The following ATF7IP variants were observed in gnomAD, a reference collection of about 807,000 sequenced individuals.
The protein encoded by ATF7IP is activating transcription factor 7 interacting protein.
In ATF7IP, 23 loss-of-function variants were observed where a neutral mutation model predicts 106.4. The observed-to-expected ratio is 0.22, with a 90% CI of 0.16 to 0.31. The LOEUF is 0.31. Ranked by LOEUF, ATF7IP falls within the 10% of genes least tolerant of loss-of-function variation. ATF7IP has a pLI of 1.00. For missense variants in ATF7IP, 1,334 were observed against 1,524.3 expected (o/e 0.88, Z 2.08); for synonymous variants, 542 against 539.0 (o/e 1.01, Z -0.08).
intron 2 of ATF7IP, among the ~76,000 whole-genome samples, chr12:14,427,417 C>T (rs188289788): frequency 5.6e-4 from 85 of 151,596 alleles, no homozygotes; most frequent in Non-Finnish European, 1.1e-3. Flanking sequence ...GGCTGGAGTG[C>T]AGTGGCACGA....
At chr12:14,415,478 G>A (rs1204540138) in intron 1 of ATF7IP, among the ~76,000 whole-genome samples, 1 of 152,134 alleles carries the variant, frequency 6.6e-6, no homozygotes, top group Non-Finnish European at 1.5e-5. Context: ...GGAATTGTTG[G>A]TAACCTTGTC....
chr12:14,457,359 C>T, intron 8 of ATF7IP, 64 bp downstream of exon 8: 1 of 1,199,694 alleles, frequency 8.3e-7, no homozygotes, highest in Non-Finnish European at 1.2e-6. Context: ...GTTCTCTTTT[C>T]TTACATTCTT....
intron 1 of ATF7IP, among the ~76,000 whole-genome samples, chr12:14,393,248 G>A (rs1017571644): frequency 6.6e-6 from 1 of 152,128 alleles, no homozygotes; most frequent in Non-Finnish European, 1.5e-5. Flanking sequence ...TATATAATAA[G>A]TGATTTCTTT....
rs1439730360 is a variant in ATF7IP, at chr12:14,481,451, CAT to C, written c.3280+269_3280+270del. ...AAAAAGGTAAGTATGTGAGATCATG[CAT>C]ATGTCAGCTAGATTTAGCCATTCTG... On this transcript the variant is annotated intron_variant, in intron 13 of 14. Transcript: ENST00000261168. The C allele has an allele frequency of 3.8e-3, 1,427 of 375,296 alleles. 8 individuals are homozygous for C. The highest frequency in any genetic ancestry group is 7.0e-3 in the Admixed American group (106 of 15,210). 23.2% of individuals were successfully genotyped at this position (375,296 alleles called of 1,614,324 possible).
At chr12:14,398,875 A>G (rs182494624) in intron 1 of ATF7IP, among the ~76,000 whole-genome samples, 82 of 151,716 alleles carry the variant, frequency 5.4e-4, no homozygotes, top group African/African-American at 1.5e-3. Context: ...TTCTGTTTCA[A>G]CCTTTCTATG....
intron 1 of ATF7IP, among the ~76,000 whole-genome samples, chr12:14,389,008 G>A (rs1333806756): frequency 6.6e-6 from 1 of 152,122 alleles, no homozygotes; most frequent in Non-Finnish European, 1.5e-5. Context: ...TATTTGGTAA[G>A]CATATGCTCA....
chr12:14,464,915 T>C (rs1223053750), intron 9 of ATF7IP, among the ~76,000 whole-genome samples: 1 of 152,164 alleles, frequency 6.6e-6, no homozygotes, highest in Non-Finnish European at 1.5e-5. Context: ...GAAAATGTTA[T>C]GACAAAAAAT....
chr12:14,424,433 A>T lies in ATF7IP; in HGVS notation c.518A>T (p.Asp173Val). ...EPSSSDAASG[D>V]ATSGDAPSGD... ...TCCTCTAGTGATGCTGCCTCTGGTGATGCAACCTCTGGTGATGCCCCTTCT... is the reference window on the plus strand; with the variant it reads ...TCCTCTAGTGATGCTGCCTCTGGTGTTGCAACCTCTGGTGATGCCCCTTCT... Residue 173 changes from aspartate to valine, a missense_variant, in exon 2 of 15, where the codon GAT becomes GTT. Around this residue, in one of 10 missense-constraint regions of ATF7IP, gnomAD observed 438 missense variants for 405.3 expected, o/e 1.08. Coordinates refer to ENST00000261168, the MANE Select transcript of ATF7IP (RefSeq NM_018179.5). The T allele has an allele frequency of 6.2e-7, 1 of 1,613,556 alleles. No individual in the cohort carries two copies. Among genetic ancestry groups the T allele is most frequent in the Non-Finnish European group, 8.5e-7 (1 of 1,179,796 alleles).
chr12:14,486,948 C>T (rs959122470), intron 13 of ATF7IP, among the ~76,000 whole-genome samples: 2 of 152,162 alleles, frequency 1.3e-5, no homozygotes, highest in African/African-American at 4.8e-5. Flanking sequence ...CTTCTGGACC[C>T]TCCCAGCTGG....
intron 5 of ATF7IP, among the ~76,000 whole-genome samples, chr12:14,446,251 G>A (rs1379123639): frequency 1.4e-4 from 21 of 151,958 alleles, no homozygotes; most frequent in African/African-American, 2.4e-4. Context: ...GGGTTCAAGC[G>A]ATACTCCTGC....
intron 13 of ATF7IP, among the ~76,000 whole-genome samples, chr12:14,488,780 A>T (rs1473221831): frequency 6.6e-6 from 1 of 152,218 alleles, no homozygotes; most frequent in Non-Finnish European, 1.5e-5. Flanking sequence ...CCAGAAGCGC[A>T]CCAATCCCCA....
chr12:14,439,840 AATCC>A (rs34509750), intron 5 of ATF7IP, among the ~76,000 whole-genome samples: 54,634 of 148,380 alleles, frequency 0.37, 11,120 homozygotes, highest in South Asian at 0.5. Flanking sequence ...CTCCAAAATA[AATCC>A]ATCCATCCAT....
At chr12:14,485,289 A>G (rs1485819487) in intron 13 of ATF7IP, among the ~76,000 whole-genome samples, 1 of 151,824 alleles carries the variant, frequency 6.6e-6, no homozygotes, top group Non-Finnish European at 1.5e-5. Flanking sequence ...GTTGTCTCCA[A>G]AATCTAAATC....
At chr12:14,481,280 A>T (rs1944419833) in intron 13 of ATF7IP, 95 bp downstream of exon 13, 1 of 1,153,106 alleles carries the variant, frequency 8.7e-7, no homozygotes, top group Admixed American at 2.2e-5. Context: ...TTTTGCAAAA[A>T]TTTCTTATAA....
chr12:14,366,561 G>A (rs1938303671), intron 1 of ATF7IP, among the ~76,000 whole-genome samples: 1 of 152,180 alleles, frequency 6.6e-6, no homozygotes, highest in South Asian at 2.1e-4. Context: ...GGTTTTAAAT[G>A]TTTGATCCTA....
At chr12:14,417,695 A>G (rs1057249506) in intron 1 of ATF7IP, among the ~76,000 whole-genome samples, 5 of 152,202 alleles carry the variant, frequency 3.3e-5, no homozygotes, top group East Asian at 3.8e-4. Flanking sequence ...AGCATAAAAG[A>G]TGTAAATCTT....
At chr12:14,432,148 T>G (rs2136596640) in intron 2 of ATF7IP, among the ~76,000 whole-genome samples, 1 of 152,292 alleles carries the variant, frequency 6.6e-6, no homozygotes, top group Middle Eastern at 3.4e-3. Flanking sequence ...CAGGCCAGTT[T>G]ATTCTGCTGT....
intron 2 of ATF7IP, among the ~76,000 whole-genome samples, chr12:14,425,807 C>T (rs1396382308): frequency 6.6e-6 from 1 of 152,192 alleles, no homozygotes; most frequent in East Asian, 1.9e-4. Context: ...TTCTTGCTAT[C>T]ACTTAGCGAA....
chr12:14,368,586 A>G (rs533018703), intron 1 of ATF7IP, among the ~76,000 whole-genome samples: 1 of 152,270 alleles, frequency 6.6e-6, no homozygotes, highest in South Asian at 2.1e-4. Flanking sequence ...AAGGACTTTT[A>G]AAGTAATTTG....
Sources: allele counts gnomAD v4.1 joint callset (sites outside exome capture counted in the v4.1 genomes callset), GRCh38; gene constraint gnomAD v4.1.1; regional missense constraint gnomAD v4.1.1; transcripts MANE v1.5; gene names NCBI Gene and HGNC (gene_info 2026-07-23, HGNC 2026-07-21).